Variants in SLC9A2 observed in about 807,000 individuals in gnomAD.
SLC9A2 encodes solute carrier family 9 member A2.
In SLC9A2, 42 loss-of-function variants were observed where a neutral mutation model predicts 71.7. The observed-to-expected ratio is 0.59, with a 90% confidence interval of 0.46 to 0.76. The LOEUF is 0.76. Ranked by LOEUF, SLC9A2 falls within the 30% of genes least tolerant of loss-of-function variation. The probability of loss-of-function intolerance (pLI) is 0.00; values close to 1 mark genes in which losing one functional copy is unlikely to be tolerated. For synonymous variants in SLC9A2, 396 were observed against 392.5 expected, an observed-to-expected ratio of 1.01 and a Z score of -0.10; for missense variants, 829 against 1,017.4, an observed-to-expected ratio of 0.81 and a Z score of 2.52.
intron 1 of SLC9A2, among the ~76,000 whole-genome samples, chr2:102,630,062 G>A (rs908018672): frequency 2.6e-5 from 4 of 151,916 alleles, no homozygotes; most frequent in Admixed American, 6.6e-5. Context: ...TTCTAACTGC[G>A]TGTTTCAGAA....
intron 2 of SLC9A2, among the ~76,000 whole-genome samples, chr2:102,660,889 C>T (rs962498820): frequency 6.6e-6 from 1 of 152,146 alleles, no homozygotes; most frequent in African/African-American, 2.4e-5. Flanking sequence ...AATTCATTGT[C>T]ACAGTATATA....
intron 5 of SLC9A2, among the ~76,000 whole-genome samples, chr2:102,685,724 G>C (rs946725652): frequency 2.0e-5 from 3 of 151,624 alleles, no homozygotes; most frequent in African/African-American, 4.9e-5. Flanking sequence ...TCTGTGCATG[G>C]CAGAGGTGGG....
chr2:102,706,348 G>GAAAAAAA (rs397985354), intron 11 of SLC9A2, among the ~76,000 whole-genome samples: 2 of 17,702 alleles, frequency 1.1e-4, no homozygotes, highest in Non-Finnish European at 1.9e-4. Context: ...AAAAAAAAAA[G>GAAAAAAA]AAAAAAAAAA....
Position 102,665,183 on chromosome 2 carries a change from T to C in SLC9A2, c.837T>C (p.Phe279=), listed in dbSNP as rs778552540. 3 of 1,614,132 alleles carry C rather than the reference T, an allele frequency of 1.9e-6. No individual in the cohort carries two copies. Among genetic ancestry groups the C allele is most frequent in the Admixed American group, 1.7e-5 (1 of 60,022 alleles). ...TGTTTGCAGGAATCGCCAACTTCTT[T>C]GTTGTGGGAATCGGTGGGGTGCTGA... is the stretch of plus-strand genomic sequence containing the variant. The part of the protein sequence containing the change: ...IDVFAGIANF[F]VVGIGGVLIG... Residue 279 remains phenylalanine (F), a synonymous_variant, in exon 3 of 12, where the codon TTT becomes TTC. Coordinates refer to ENST00000233969, the MANE Select transcript of SLC9A2 (RefSeq NM_003048.6).
At chr2:102,695,414 G>A (rs1187051079) in intron 7 of SLC9A2, among the ~76,000 whole-genome samples, 6 of 152,144 alleles carry the variant, frequency 3.9e-5, no homozygotes, top group African/African-American at 1.4e-4. Context: ...ACTAAGAGTA[G>A]CCTTCATTTC....
chr2:102,637,467 C>T (rs1430534523), intron 1 of SLC9A2, among the ~76,000 whole-genome samples: 1 of 152,160 alleles, frequency 6.6e-6, no homozygotes, highest in East Asian at 1.9e-4. Flanking sequence ...CCGAGCTGTC[C>T]AGTGGGTGTG....
At chr2:102,654,896 A>G (rs1211023651) in intron 1 of SLC9A2, among the ~76,000 whole-genome samples, 1 of 152,206 alleles carries the variant, frequency 6.6e-6, no homozygotes, top group Non-Finnish European at 1.5e-5. Context: ...TATGTATTTA[A>G]ACATATCTAG....
At position 102,695,792 on chromosome 2, in the gene SLC9A2, T is replaced by TATATATTATATATA. The variant is rs1677750241; in HGVS notation, c.1586+685_1586+686insTATATATAATATAT. 7.5e-5 allele frequency among the ~76,000 whole-genome samples: 3 copies of TATATATTATATATA among 39,878 alleles called. No homozygotes were observed. In the South Asian group the frequency reaches 2.8e-3, roughly 37 times the overall value. The allele number at this position is 39,878 out of a possible 152,430, so 26.2% of individuals were successfully genotyped here. ...TATAATATATATTATATATATATTA[T>TATATATTATATATA]ATATATATTATATATATATATAATA... On this transcript the variant is annotated intron_variant, in intron 7 of 11. Transcript: ENST00000233969.
At chr2:102,644,924 C>A (rs898834460) in intron 1 of SLC9A2, among the ~76,000 whole-genome samples, 1 of 152,236 alleles carries the variant, frequency 6.6e-6, no homozygotes, top group Non-Finnish European at 1.5e-5. Context: ...AGCAGCAGAT[C>A]TCCCAGCACA....
At chr2:102,638,477 A>G (rs1676512681) in intron 1 of SLC9A2, among the ~76,000 whole-genome samples, 1 of 152,234 alleles carries the variant, frequency 6.6e-6, no homozygotes, top group Non-Finnish European at 1.5e-5. Flanking sequence ...AATAAGAAGC[A>G]CAAGCCAAAG....
chr2:102,671,223 G>C (rs564503122), intron 3 of SLC9A2, among the ~76,000 whole-genome samples: 181 of 151,728 alleles, frequency 1.2e-3, no homozygotes, highest in Non-Finnish European at 2.3e-3. Flanking sequence ...CTTCTCACTG[G>C]GTCATTGTAC....
chr2:102,676,657 G>A (rs6705439), intron 3 of SLC9A2, among the ~76,000 whole-genome samples: 3,419 of 152,222 alleles, frequency 0.022, 133 homozygotes, highest in African/African-American at 0.076. Flanking sequence ...GTTTCTCTTG[G>A]TTGTCAGGTT....
chr2:102,644,500 G>A (rs1573404664), intron 1 of SLC9A2, among the ~76,000 whole-genome samples: 1 of 152,326 alleles, frequency 6.6e-6, no homozygotes, highest in East Asian at 1.9e-4. Context: ...CTGAAGCTAG[G>A]AAGCCAAGTG....
intron 5 of SLC9A2, among the ~76,000 whole-genome samples, chr2:102,690,528 G>A (rs1467172975): frequency 6.6e-6 from 1 of 152,148 alleles, no homozygotes; most frequent in African/African-American, 2.4e-5. Flanking sequence ...AGCACGTTTG[G>A]AGACTGATGG....
chr2:102,664,353 C>T (rs72997670), intron 2 of SLC9A2, among the ~76,000 whole-genome samples: 178 of 150,812 alleles, frequency 1.2e-3, no homozygotes, highest in African/African-American at 4.1e-3. Flanking sequence ...TTCTTTGTAA[C>T]AAAATGTAAG....
chr2:102,621,502 C>T (rs554274593), intron 1 of SLC9A2, among the ~76,000 whole-genome samples: 2 of 152,176 alleles, frequency 1.3e-5, no homozygotes, highest in Admixed American at 6.5e-5. Context: ...ATTATTTTTA[C>T]TTTATATTTT....
At chr2:102,669,290 T>G (rs1677200422) in intron 3 of SLC9A2, among the ~76,000 whole-genome samples, 1 of 152,214 alleles carries the variant, frequency 6.6e-6, no homozygotes, top group African/African-American at 2.4e-5. Context: ...CCTAATTTAA[T>G]GTTAAGGAAT....
chr2:102,671,431 T>G (rs17027676), intron 3 of SLC9A2, among the ~76,000 whole-genome samples: 10,997 of 152,156 alleles, frequency 0.072, 871 homozygotes, highest in African/African-American at 0.2. Flanking sequence ...ATATACCCCT[T>G]AATTTCTTGG....
rs116595294 is a variant in SLC9A2 at position 102,637,917 on chromosome 2, G to C, written c.289+17780G>C. Among the ~76,000 whole-genome samples, 746 of 152,332 alleles carry C rather than the reference G, an allele frequency of 4.9e-3. 10 individuals carry two copies. The highest frequency in any genetic ancestry group is 0.017 in the African/African-American group (711 of 41,572). On this transcript the variant is annotated intron_variant, in intron 1 of 11. Transcript: ENST00000233969. ...CTGTTGGTGCCTCTTCATGCCCTGA[G>C]AGATGGGAGGGGTTACGGGGAGCAA...
Sources: gnomAD v4.1 joint callset for allele counts (sites outside exome capture counted in the v4.1 genomes callset) on GRCh38, gnomAD v4.1.1 for gene constraint, MANE v1.5 for transcripts, NCBI Gene and HGNC (gene_info 2026-07-23, HGNC 2026-07-21) for gene names.